The following XPNPEP3 variants were observed in gnomAD, a reference collection of about 807,000 sequenced individuals.
XPNPEP3 encodes the protein xaa-Pro aminopeptidase 3.
A neutral mutation model predicts 60.0 loss-of-function variants in XPNPEP3; 41 were observed. The observed-to-expected ratio is 0.68, with a 90% CI of 0.53 to 0.89. The LOEUF (loss-of-function observed/expected upper bound fraction) is 0.89, where lower values mean the gene tolerates loss of function less well. XPNPEP3 is among the 40% of genes least tolerant of loss of function. The probability of loss-of-function intolerance (pLI) is 0.00; values close to 1 mark genes in which losing one functional copy is unlikely to be tolerated. For missense variants in XPNPEP3, 598 were observed against 638.9 expected, an observed-to-expected ratio of 0.94 and a Z score of 0.69; for synonymous variants, 212 against 223.2, an observed-to-expected ratio of 0.95 and a Z score of 0.45.
intron 9 of XPNPEP3, 64 bp from the exon 10 acceptor site, chr22:40,926,205 A>T: frequency 6.3e-7 from 1 of 1,577,046 alleles, no homozygotes; most frequent in Non-Finnish European, 8.7e-7. Context: ...AGGTTAACTT[A>T]CTTGCCCCAA....
intron 1 of XPNPEP3, among the ~76,000 whole-genome samples, chr22:40,865,172 T>C (rs1313729406): frequency 6.6e-6 from 1 of 152,144 alleles, no homozygotes; most frequent in African/African-American, 2.4e-5. Context: ...TCTTACATCC[T>C]ATTCCCTCCT....
In XPNPEP3 at chr22:40,882,111, G is replaced by T. The variant is rs777029110; in HGVS notation, c.523G>T (p.Ala175Ser). The change falls in exon 3 of 10, where the codon GCT (alanine) becomes TCT (serine). Residue 175 changes from alanine to serine, a missense_variant. By Grantham distance (99) the Ala-to-Ser change is moderately conservative. Transcript: ENST00000357137. ...GCGATCTGGCACTGATGGAGCAATA[G>T]CTCTAACTGGAGTAGACGAAGCCTA... is the stretch of plus-strand genomic sequence containing the variant. ...GPRSGTDGAI[A>S]LTGVDEAYTL... The T allele has an allele frequency of 6.2e-6, 10 of 1,614,134 alleles. 1 individual carries two copies. The highest frequency in any genetic ancestry group is 2.2e-5 in the South Asian group (2 of 91,076).
Position 40,857,154 on chromosome 22 carries a change from C to T in XPNPEP3, c.-28C>T, listed in dbSNP as rs369687517. ...TGCGTTCCCCGTCGTTACCCTCTTT[C>T]TCTTCCCGACGCGTGAGTTAGGCCG... On this transcript the variant is annotated 5_prime_UTR_variant, in exon 1 of 10. Coordinates refer to ENST00000357137, the MANE Select transcript of XPNPEP3 (RefSeq NM_022098.4). The T allele has an allele frequency of 6.8e-6, 11 of 1,613,744 alleles. No homozygotes were observed. In the South Asian group the frequency reaches 7.7e-5, roughly 11 times the overall value.
At chr22:40,866,349 T>C (rs2057978606) in intron 1 of XPNPEP3, among the ~76,000 whole-genome samples, 3 of 151,706 alleles carry the variant, frequency 2.0e-5, no homozygotes, top group Non-Finnish European at 4.4e-5. Flanking sequence ...CATAGGAGCG[T>C]TGGGGAAGAC....
At chr22:40,923,643 G>A (rs2058224559) in intron 8 of XPNPEP3, among the ~76,000 whole-genome samples, 1 of 152,124 alleles carries the variant, frequency 6.6e-6, no homozygotes, top group East Asian at 1.9e-4. Context: ...CATGAGGTCA[G>A]GAGTTCGAGA....
At chr22:40,870,943 C>A (rs1487076006) in intron 2 of XPNPEP3, among the ~76,000 whole-genome samples, 2 of 151,922 alleles carry the variant, frequency 1.3e-5, no homozygotes, top group Non-Finnish European at 2.9e-5. Context: ...GCAGGAGAAT[C>A]ACCTGAATCT....
At chr22:40,898,049 A>G (rs914813815) in intron 4 of XPNPEP3, among the ~76,000 whole-genome samples, 8 of 151,820 alleles carry the variant, frequency 5.3e-5, no homozygotes, top group Admixed American at 2.6e-4. Flanking sequence ...TTTACTATTC[A>G]TAGCGTCCTT....
At chr22:40,923,562 T>C (rs2058224255) in intron 8 of XPNPEP3, among the ~76,000 whole-genome samples, 1 of 151,998 alleles carries the variant, frequency 6.6e-6, no homozygotes, top group Non-Finnish European at 1.5e-5. Flanking sequence ...GACGGAAATA[T>C]CCAAGCTGGC....
intron 2 of XPNPEP3, chr22:40,870,098 C>T (rs1163394452): frequency 2.1e-6 from 1 of 470,818 alleles, no homozygotes; most frequent in Non-Finnish European, 4.4e-6. Context: ...TGCAGCTCAC[C>T]ACTGAAACCC....
chr22:40,860,569 G>C, intron 1 of XPNPEP3: 1 of 1,089,408 alleles, frequency 9.2e-7, no homozygotes, highest in South Asian at 2.2e-5. Context: ...TTGTATAGTG[G>C]TTTTAATTAG....
At chr22:40,918,930 G>T (rs1174573989) in intron 7 of XPNPEP3, among the ~76,000 whole-genome samples, 1 of 150,654 alleles carries the variant, frequency 6.6e-6, no homozygotes, top group Non-Finnish European at 1.5e-5. Flanking sequence ...GCAACCTCCG[G>T]CTCCCAGGTT....
At chr22:40,888,271 T>C (rs541137883) in intron 4 of XPNPEP3, among the ~76,000 whole-genome samples, 1 of 152,246 alleles carries the variant, frequency 6.6e-6, no homozygotes, top group South Asian at 2.1e-4. Flanking sequence ...TTAGATAGAG[T>C]CTCGCTCTGT....
chr22:40,882,722 C>A (rs1052104946), intron 3 of XPNPEP3, among the ~76,000 whole-genome samples: 1 of 151,682 alleles, frequency 6.6e-6, no homozygotes, highest in African/African-American at 2.4e-5. Context: ...CCAGCCTAGG[C>A]GACAGAGCAA....
At chr22:40,909,697 A>G (rs939579372) in intron 6 of XPNPEP3, among the ~76,000 whole-genome samples, 7 of 151,848 alleles carry the variant, frequency 4.6e-5, no homozygotes, top group Non-Finnish European at 4.4e-5. Flanking sequence ...CCCGGGAGGC[A>G]TAAGTTGTAG....
At chr22:40,916,259 T>G (rs2058195772) in intron 7 of XPNPEP3, among the ~76,000 whole-genome samples, 1 of 150,566 alleles carries the variant, frequency 6.6e-6, no homozygotes, top group Non-Finnish European at 1.5e-5. Context: ...ACCACTGCAC[T>G]CCAGCTTGGG....
At chr22:40,862,141 G>A (rs778637352) in intron 1 of XPNPEP3, 1 of 1,453,784 alleles carries the variant, frequency 6.9e-7, no homozygotes, top group Non-Finnish European at 9.0e-7. Context: ...CATGTGCTAA[G>A]AGATGAGGAT....
intron 7 of XPNPEP3, among the ~76,000 whole-genome samples, chr22:40,919,345 A>C (rs1018181705): frequency 6.6e-6 from 1 of 152,192 alleles, no homozygotes; most frequent in African/African-American, 2.4e-5. Flanking sequence ...ACTTGAGGTC[A>C]TGAGTTCGAG....
chr22:40,920,214 A>C (rs1464171845), intron 7 of XPNPEP3, among the ~76,000 whole-genome samples: 1 of 152,068 alleles, frequency 6.6e-6, no homozygotes, highest in Non-Finnish European at 1.5e-5. Flanking sequence ...CTCAAAATAC[A>C]AAAATTAGCT....
chr22:40,900,330 T>C (rs7289445), intron 4 of XPNPEP3, among the ~76,000 whole-genome samples: 6,698 of 146,400 alleles, frequency 0.046, 482 homozygotes, highest in African/African-American at 0.16. Context: ...AAAGGCCGGG[T>C]ACGGTGACCC....
Sources: gnomAD v4.1 joint callset for allele counts (sites outside exome capture counted in the v4.1 genomes callset) on GRCh38, gnomAD v4.1.1 for gene constraint, MANE v1.5 for transcripts, NCBI Gene and HGNC (gene_info 2026-07-23, HGNC 2026-07-21) for gene names.